The following INSL6 variants were observed in gnomAD, a reference collection of about 807,000 sequenced individuals.
INSL6 encodes insulin like 6, also known as insulin-like peptide INSL6.
In INSL6, 16 loss-of-function variants were observed where a neutral mutation model predicts 9.4. The ratio of observed to expected loss-of-function variants is 1.70; its 90% CI spans 1.15 to 2.59. The LOEUF is 2.59. INSL6 is among the 30% of genes most tolerant of loss of function. The probability of loss-of-function intolerance (pLI) is 0.00; values close to 1 mark genes in which losing one functional copy is unlikely to be tolerated. For synonymous variants in INSL6, 154 were observed against 96.9 expected (o/e 1.59, Z -3.46); for missense variants, 391 against 257.3 (o/e 1.52, Z -3.56).
chr9:5,013,883 A>G, the INSL6 span, among the ~76,000 whole-genome samples: 2 of 152,158 alleles, frequency 1.3e-5, no homozygotes, highest in African/African-American at 4.8e-5. Context: ...TTATTATACA[A>G]GTGAGGAAGC....
At chr9:5,052,433 ATAGTG>A in the INSL6 span, among the ~76,000 whole-genome samples, 1 of 152,114 alleles carries the variant, frequency 6.6e-6, no homozygotes, top group African/African-American at 2.4e-5. Flanking sequence ...TACTTTAAAA[ATAGTG>A]TAGATATTAA....
the INSL6 span, among the ~76,000 whole-genome samples, chr9:5,057,114 ATTATT>A: frequency 6.6e-6 from 1 of 152,084 alleles, no homozygotes; most frequent in Non-Finnish European, 1.5e-5. Context: ...GTATACAAGT[ATTATT>A]TTATGTTTTT....
intron 1 of INSL6, among the ~76,000 whole-genome samples, chr9:5,184,634 C>G (rs191769596): frequency 5.9e-5 from 9 of 152,292 alleles, no homozygotes; most frequent in Admixed American, 5.9e-4. Context: ...TGTAGTCACA[C>G]AGGCCTTGCA....
At chr9:5,058,941 A>C in the INSL6 span, among the ~76,000 whole-genome samples, 1 of 152,198 alleles carries the variant, frequency 6.6e-6, no homozygotes, top group Middle Eastern at 3.4e-3. Context: ...TCCCTTTTCA[A>C]ATATATGATT....
At chr9:5,082,997 A>G in the INSL6 span, among the ~76,000 whole-genome samples, 5 of 152,240 alleles carry the variant, frequency 3.3e-5, no homozygotes, top group Non-Finnish European at 1.5e-5. Flanking sequence ...TCTTTTCCCT[A>G]TAACTGAAGA....
chr9:5,112,909 G>A, the INSL6 span: 4 of 289,414 alleles, frequency 1.4e-5, no homozygotes, highest in Admixed American at 1.1e-4. Flanking sequence ...GGCCCAGAAC[G>A]CCCACTTGAG....
chr9:5,122,029 G>C (rs1823656015), downstream of INSL6, among the ~76,000 whole-genome samples: 1 of 152,236 alleles, frequency 6.6e-6, no homozygotes, highest in Admixed American at 6.5e-5. Context: ...TATAGCATTA[G>C]GATGTTTAAT....
chr9:5,080,177 A>C, the INSL6 span: 9 of 1,315,822 alleles, frequency 6.8e-6, no homozygotes, highest in South Asian at 1.2e-4. Context: ...CATATAAAAG[A>C]TTGGTTTACT....
chr9:5,031,374 A>C, the INSL6 span, among the ~76,000 whole-genome samples: 8 of 152,332 alleles, frequency 5.3e-5, no homozygotes, highest in Admixed American at 3.3e-4. Flanking sequence ...CATAAACTAA[A>C]TAATGAGAAT....
the INSL6 span, among the ~76,000 whole-genome samples, chr9:5,009,685 A>C: frequency 6.6e-6 from 1 of 152,024 alleles, no homozygotes; most frequent in Non-Finnish European, 1.5e-5. Flanking sequence ...CTTGATAATC[A>C]TTGCATATTT....
chr9:5,155,242 G>GC (rs1349975663), intron 2 of INSL6, among the ~76,000 whole-genome samples: 1 of 150,482 alleles, frequency 6.6e-6, no homozygotes, highest in African/African-American at 2.4e-5. Flanking sequence ...ACCAAACACT[G>GC]CATGTTCTCA....
At position 5,149,704 on chromosome 9, in the gene INSL6, T is replaced by C. The variant is rs547872172; in HGVS notation, c.376+14475A>G. On this transcript the variant is annotated intron_variant, in intron 2 of 3. Coordinates refer to the INSL6 transcript ENST00000649639. The stretch of plus-strand genomic sequence containing the variant: ...AATACAATTCCTATCAAAATAGCAA[T>C]GTCATTTTTTCACAGAATTAGAAAA... Among the ~76,000 whole-genome samples the C allele has an allele frequency of 0.011, 11 of 1,028 alleles. No individual in the cohort carries two copies. In the East Asian group the frequency reaches 0.42, roughly 39 times the overall value. 0.7% of individuals were successfully genotyped at this position (1,028 alleles called of 152,430 possible).
At chr9:5,180,630 G>C (rs1825431021) in intron 1 of INSL6, among the ~76,000 whole-genome samples, 1 of 152,118 alleles carries the variant, frequency 6.6e-6, no homozygotes, top group Non-Finnish European at 1.5e-5. Flanking sequence ...AGGCTTACTA[G>C]GGTGGGGAAA....
At chr9:5,077,652 T>C in the INSL6 span, 11 of 985,780 alleles carry the variant, frequency 1.1e-5, no homozygotes, top group Non-Finnish European at 1.5e-5. Flanking sequence ...TATCTTTACC[T>C]GGAAACAAAA....
chr9:5,143,940 G>GT (rs1824551658), intron 2 of INSL6, among the ~76,000 whole-genome samples: 1 of 152,096 alleles, frequency 6.6e-6, no homozygotes, highest in Non-Finnish European at 1.5e-5. Context: ...GATTACAGGC[G>GT]TAAGCCACTG....
At chr9:4,998,321 A>G in the INSL6 span, among the ~76,000 whole-genome samples, 1 of 152,072 alleles carries the variant, frequency 6.6e-6, no homozygotes, top group African/African-American at 2.4e-5. Flanking sequence ...CAGTGGCATT[A>G]TCTCAGCTCA....
the INSL6 span, among the ~76,000 whole-genome samples, chr9:5,043,673 G>A: frequency 6.6e-6 from 1 of 152,064 alleles, no homozygotes; most frequent in South Asian, 2.1e-4. Flanking sequence ...ATTCACAATA[G>A]AAAAATAATA....
At chr9:5,053,154 G>C in the INSL6 span, among the ~76,000 whole-genome samples, 3 of 152,138 alleles carry the variant, frequency 2.0e-5, no homozygotes, top group East Asian at 5.8e-4. Flanking sequence ...GTTTCTGTCT[G>C]TATTTTATCC....
chr9:5,148,267 G>A (rs984876139), intron 2 of INSL6, among the ~76,000 whole-genome samples: 2 of 152,154 alleles, frequency 1.3e-5, no homozygotes, highest in African/African-American at 4.8e-5. Flanking sequence ...TTGAATTTTT[G>A]CACATGGTTA....
Sources: allele counts gnomAD v4.1 joint callset (sites outside exome capture counted in the v4.1 genomes callset), GRCh38; gene constraint gnomAD v4.1.1; transcripts MANE v1.5; gene names NCBI Gene and HGNC (gene_info 2026-07-23, HGNC 2026-07-21).